GRID2: variants seen among roughly 807,000 people sequenced by gnomAD.
The protein encoded by GRID2 is glutamate receptor ionotropic, delta-2.
Under a neutral mutation model 114.8 loss-of-function variants are expected in GRID2, and 33 were observed. That is an observed-to-expected ratio of 0.29 (90% CI 0.22 to 0.38). The LOEUF (loss-of-function observed/expected upper bound fraction) is 0.38. Among genes scored for constraint, GRID2 ranks in the 10% least tolerant of loss-of-function variants. The probability of loss-of-function intolerance (pLI) is 1.00; values close to 1 mark genes in which losing one functional copy is unlikely to be tolerated. For missense variants in GRID2, 1,184 were observed against 1,257.7 expected (o/e 0.94, Z 0.89); for synonymous variants, 505 against 449.9 (o/e 1.12, Z -1.55).
At chr4:92,850,928 A>G (rs769695102) in intron 2 of GRID2, among the ~76,000 whole-genome samples, 11 of 151,958 alleles carry the variant, frequency 7.2e-5, no homozygotes, top group Non-Finnish European at 1.3e-4. Flanking sequence ...TTAGGCACCA[A>G]TAGGAAGGCA....
chr4:92,931,144 A>G (rs191193790), intron 2 of GRID2, among the ~76,000 whole-genome samples: 25 of 151,220 alleles, frequency 1.7e-4, no homozygotes, highest in Admixed American at 1.4e-3. Context: ...GAAATACATA[A>G]TAATAAATCA....
At chr4:92,921,856 C>T (rs745740155) in intron 2 of GRID2, among the ~76,000 whole-genome samples, 19 of 152,270 alleles carry the variant, frequency 1.2e-4, no homozygotes, top group Admixed American at 2.6e-4. Flanking sequence ...CTGGGAGAAC[C>T]GCTACTCTCT....
At chr4:93,081,079 G>A (rs1052074031) in intron 2 of GRID2, among the ~76,000 whole-genome samples, 2 of 152,044 alleles carry the variant, frequency 1.3e-5, no homozygotes, top group Non-Finnish European at 2.9e-5. Flanking sequence ...ATTGGGGATC[G>A]AGTTTTCAAT....
In GRID2 at chr4:93,188,947, A is replaced by G. The variant is rs568812478; in HGVS notation, c.736-18457A>G. On this transcript the variant is annotated intron_variant, in intron 4 of 15. Coordinates refer to ENST00000282020, the MANE Select transcript of GRID2 (RefSeq NM_001510.4). The stretch of plus-strand genomic sequence containing the variant: ...AATGACCTTTATCATACACATTTCA[A>G]TCAATATTCTGATCACAACCATTTA... 1.1e-4 allele frequency among the ~76,000 whole-genome samples: 17 copies of G among 152,270 alleles called. No individual in the cohort carries two copies. The South Asian group carries it at 2.1e-3, about 19-fold the overall frequency.
intron 14 of GRID2, among the ~76,000 whole-genome samples, chr4:93,689,020 AGG>A (rs1221659318): frequency 1.3e-5 from 2 of 152,016 alleles, no homozygotes; most frequent in Non-Finnish European, 2.9e-5. Context: ...TGAGGTCCAT[AGG>A]ATGACCCTTA....
intron 2 of GRID2, among the ~76,000 whole-genome samples, chr4:92,985,546 A>AT (rs1197658129): frequency 1.3e-5 from 2 of 152,100 alleles, no homozygotes; most frequent in East Asian, 1.9e-4. Context: ...CGGTAAAAAT[A>AT]TTTTTTATAT....
intron 1 of GRID2, among the ~76,000 whole-genome samples, chr4:92,570,394 C>T (rs967867580): frequency 6.6e-6 from 1 of 151,930 alleles, no homozygotes; most frequent in Admixed American, 6.6e-5. Context: ...TAGCATGAAG[C>T]CTTTGGGTTT....
chr4:92,460,053 T>TATATATATATAC lies in GRID2; in HGVS notation c.89-130077_89-130076insTATATATATACA, dbSNP rs1032538170. Reference sequence around the variant, plus strand: ...CTCACTATATATATATATATATATATACACACACAACTTTTTGGTTCTGTT... The same window carrying TATATATATATAC: ...CTCACTATATATATATATATATATATATATATATATACACACACACAACTTTTTGGTTCTGTT... On this transcript the variant is annotated intron_variant, in intron 1 of 15. Transcript: ENST00000282020. Among the ~76,000 whole-genome samples, 38 of 99,708 alleles carry TATATATATATAC rather than the reference T, an allele frequency of 3.8e-4. 1 individual carries two copies. The highest frequency in any genetic ancestry group is 3.0e-3 in the East Asian group (8 of 2,678). The allele number at this position is 99,708 out of a possible 152,430, so 65.4% of individuals were successfully genotyped here.
At chr4:93,326,666 T>G (rs1194784859) in intron 8 of GRID2, among the ~76,000 whole-genome samples, 1 of 152,132 alleles carries the variant, frequency 6.6e-6, no homozygotes, top group Non-Finnish European at 1.5e-5. Flanking sequence ...ACTTTATCTA[T>G]TGTTTGTATT....
chr4:93,323,918 A>G (rs1251987881), intron 8 of GRID2, among the ~76,000 whole-genome samples: 1 of 152,200 alleles, frequency 6.6e-6, no homozygotes, highest in Non-Finnish European at 1.5e-5. Context: ...ACTTTGCTGA[A>G]GTTGCTTATC....
chr4:93,058,604 C>T (rs973776216), intron 2 of GRID2, among the ~76,000 whole-genome samples: 1 of 151,876 alleles, frequency 6.6e-6, no homozygotes, highest in African/African-American at 2.4e-5. Context: ...GCTTAAATCA[C>T]TGTTTAAGGT....
At chr4:92,482,919 A>T (rs2149106483) in intron 1 of GRID2, among the ~76,000 whole-genome samples, 1 of 152,350 alleles carries the variant, frequency 6.6e-6, no homozygotes. Flanking sequence ...TTTAATAGCA[A>T]CATCTGTGAA....
At chr4:93,679,271 C>A (rs560105307) in intron 14 of GRID2, among the ~76,000 whole-genome samples, 1 of 151,064 alleles carries the variant, frequency 6.6e-6, no homozygotes, top group Non-Finnish European at 1.5e-5. Context: ...CACCCAGATT[C>A]GTAAAGCAAG....
intron 12 of GRID2, among the ~76,000 whole-genome samples, chr4:93,507,146 A>C (rs978164802): frequency 6.6e-6 from 1 of 152,158 alleles, no homozygotes; most frequent in Non-Finnish European, 1.5e-5. Context: ...AGGCACTAAA[A>C]ATATCTTTTA....
intron 1 of GRID2, among the ~76,000 whole-genome samples, chr4:92,474,335 A>G (rs1158849089): frequency 6.6e-6 from 1 of 152,054 alleles, no homozygotes; most frequent in Admixed American, 6.6e-5. Flanking sequence ...CCATGTTGTC[A>G]CAAATGGCAA....
intron 1 of GRID2, among the ~76,000 whole-genome samples, chr4:93,795,777 A>G (rs1292438990): frequency 6.6e-6 from 1 of 152,222 alleles, no homozygotes; most frequent in Non-Finnish European, 1.5e-5. Context: ...AAATGCAATT[A>G]TATTATCAGC....
intron 12 of GRID2, among the ~76,000 whole-genome samples, chr4:93,498,760 C>A (rs1727808546): frequency 6.6e-6 from 1 of 151,684 alleles, no homozygotes; most frequent in African/African-American, 2.4e-5. Flanking sequence ...ATCCAGATAC[C>A]TTTTATTTTC....
At chr4:93,375,647 C>T (rs1763308526) in intron 8 of GRID2, among the ~76,000 whole-genome samples, 1 of 152,104 alleles carries the variant, frequency 6.6e-6, no homozygotes, top group South Asian at 2.1e-4. Context: ...TGTGAGTTAC[C>T]ATGCAATGTT....
At chr4:92,408,783 G>A (rs6849247) in intron 1 of GRID2, among the ~76,000 whole-genome samples, 47,112 of 151,610 alleles carry the variant, frequency 0.31, 7,551 homozygotes, top group South Asian at 0.37. Context: ...CAGCTAGAAC[G>A]TTATTGGTGT....
Sources: gnomAD v4.1 joint callset for allele counts (sites outside exome capture counted in the v4.1 genomes callset) on GRCh38, gnomAD v4.1.1 for gene constraint, MANE v1.5 for transcripts, NCBI Gene and HGNC (gene_info 2026-07-23, HGNC 2026-07-21) for gene names.